SEMA6D: variants seen among roughly 807,000 people sequenced by gnomAD.
SEMA6D encodes semaphorin 6D.
Under a neutral mutation model 106.6 loss-of-function variants are expected in SEMA6D, and 35 were observed. That is an observed-to-expected ratio of 0.33 (90% CI 0.25 to 0.44). The LOEUF is 0.44. Among genes scored for constraint, SEMA6D ranks in the 20% least tolerant of loss-of-function variants. The probability of loss-of-function intolerance (pLI) is 1.00; values close to 1 mark genes in which losing one functional copy is unlikely to be tolerated. For synonymous variants in SEMA6D, 499 were observed against 487.7 expected, an observed-to-expected ratio of 1.02 and a Z score of -0.31; for missense variants, 1,185 against 1,345.9, an observed-to-expected ratio of 0.88 and a Z score of 1.87.
chr15:47,435,992 GTC>G (rs1433900187), intron 2 of SEMA6D, among the ~76,000 whole-genome samples: 1 of 152,042 alleles, frequency 6.6e-6, no homozygotes, highest in African/African-American at 2.4e-5. Flanking sequence ...TAATGAACCA[GTC>G]TCTCATCTTC....
intron 4 of SEMA6D, among the ~76,000 whole-genome samples, chr15:47,677,108 C>G (rs913770171): frequency 7.9e-5 from 12 of 152,066 alleles, no homozygotes; most frequent in African/African-American, 1.2e-4. Flanking sequence ...TGATAATGCT[C>G]GCTCACCCAC....
At chr15:47,624,167 C>T (rs890547964) in intron 4 of SEMA6D, among the ~76,000 whole-genome samples, 26 of 152,168 alleles carry the variant, frequency 1.7e-4, no homozygotes, top group African/African-American at 6.3e-4. Flanking sequence ...CCCTTTTTGA[C>T]CTGGTTTACT....
intron 1 of SEMA6D, among the ~76,000 whole-genome samples, chr15:47,265,330 C>T (rs2034267523): frequency 6.6e-6 from 1 of 151,372 alleles, no homozygotes; most frequent in African/African-American, 2.4e-5. Context: ...TCTCTTGAGT[C>T]AGTTTTGGGA....
chr15:47,250,272 C>T (rs1366679992), intron 1 of SEMA6D, among the ~76,000 whole-genome samples: 1 of 151,608 alleles, frequency 6.6e-6, no homozygotes, highest in Non-Finnish European at 1.5e-5. Flanking sequence ...CAAGACACGA[C>T]ATACTGTGCC....
At chr15:47,227,548 CTCTCTG>C (rs1364756597) in intron 1 of SEMA6D, among the ~76,000 whole-genome samples, 2 of 100,092 alleles carry the variant, frequency 2.0e-5, no homozygotes, top group Non-Finnish European at 4.2e-5. Flanking sequence ...CTCTTTCTCT[CTCTCTG>C]TCTCTCTCTC....
At chr15:47,298,911 C>T (rs1483958500) in intron 1 of SEMA6D, among the ~76,000 whole-genome samples, 1 of 152,130 alleles carries the variant, frequency 6.6e-6, no homozygotes, top group East Asian at 1.9e-4. Flanking sequence ...TGCTGCTTTA[C>T]CTAAATTGTC....
intron 1 of SEMA6D, among the ~76,000 whole-genome samples, chr15:47,308,972 C>G (rs1056712526): frequency 6.6e-6 from 1 of 152,192 alleles, no homozygotes; most frequent in Non-Finnish European, 1.5e-5. Flanking sequence ...TGCCAAGTCT[C>G]TTAACATCTT....
rs185464486 is a variant in SEMA6D, at chr15:47,684,795, A to G, written c.-54-74950A>G. Among the ~76,000 whole-genome samples the G allele has an allele frequency of 1.9e-4, 29 of 152,332 alleles. 1 individual carries two copies. In the East Asian group the frequency reaches 5.6e-3, roughly 29 times the overall value. On this transcript the variant is annotated intron_variant, in intron 4 of 19. Transcript: ENST00000558014. ...TTTATCACAATTAGCATGAGTTTCAATTATTCAATCTTTATTAATTTTGAT... is the reference window on the plus strand; with the variant it reads ...TTTATCACAATTAGCATGAGTTTCAGTTATTCAATCTTTATTAATTTTGAT...
At chr15:47,372,094 CCA>C (rs1334858322) in intron 1 of SEMA6D, among the ~76,000 whole-genome samples, 1 of 152,184 alleles carries the variant, frequency 6.6e-6, no homozygotes, top group African/African-American at 2.4e-5. Context: ...AGTTTCATCC[CCA>C]GTCCTCAGCT....
At chr15:47,353,294 A>G (rs1496919) in intron 1 of SEMA6D, among the ~76,000 whole-genome samples, 80,958 of 151,874 alleles carry the variant, frequency 0.53, 24,684 homozygotes, top group African/African-American at 0.85. Flanking sequence ...AAGACCACCC[A>G]CTCGTGCCCT....
chr15:47,597,915 A>T (rs2076569426), intron 3 of SEMA6D, among the ~76,000 whole-genome samples: 1 of 150,682 alleles, frequency 6.6e-6, no homozygotes, highest in South Asian at 2.1e-4. Flanking sequence ...AATTGTATGT[A>T]ATTATAATGT....
chr15:47,472,057 C>T (rs537648825), intron 3 of SEMA6D, among the ~76,000 whole-genome samples: 2 of 151,738 alleles, frequency 1.3e-5, no homozygotes, highest in Admixed American at 1.3e-4. Context: ...AATACTTTAT[C>T]CTTGGAAAGC....
chr15:47,736,320 C>T (rs528933489), intron 1 of SEMA6D, among the ~76,000 whole-genome samples: 29 of 152,226 alleles, frequency 1.9e-4, no homozygotes, highest in African/African-American at 7.0e-4. Flanking sequence ...AAGTCTGACT[C>T]CTTGTCACCC....
At chr15:47,224,677 T>C (rs1345835167) in intron 1 of SEMA6D, among the ~76,000 whole-genome samples, 1 of 152,108 alleles carries the variant, frequency 6.6e-6, no homozygotes, top group African/African-American at 2.4e-5. Context: ...TAAATATTTG[T>C]TGAATAAATG....
At chr15:47,355,411 G>A (rs1454397600) in intron 1 of SEMA6D, among the ~76,000 whole-genome samples, 3 of 152,020 alleles carry the variant, frequency 2.0e-5, no homozygotes, top group Non-Finnish European at 2.9e-5. Flanking sequence ...TATAATGATG[G>A]TGCCTAAGAA....
chr15:47,566,413 T>C (rs2046230465), intron 3 of SEMA6D, among the ~76,000 whole-genome samples: 1 of 152,212 alleles, frequency 6.6e-6, no homozygotes, highest in African/African-American at 2.4e-5. Context: ...GTGTGTTCAC[T>C]TGAACTGAGT....
chr15:47,652,520 G>C (rs73392839), intron 4 of SEMA6D, among the ~76,000 whole-genome samples: 1,545 of 152,156 alleles, frequency 0.01, 16 homozygotes, highest in South Asian at 0.045. Flanking sequence ...CCAATTTCCC[G>C]AGAGTGTTAA....
chr15:47,402,427 T>C (rs2040428332), intron 1 of SEMA6D, among the ~76,000 whole-genome samples: 1 of 152,188 alleles, frequency 6.6e-6, no homozygotes, highest in Non-Finnish European at 1.5e-5. Flanking sequence ...ACAATGGCTC[T>C]TCAGAGGGGA....
At chr15:47,647,526 A>G (rs2077603011) in intron 4 of SEMA6D, among the ~76,000 whole-genome samples, 1 of 152,248 alleles carries the variant, frequency 6.6e-6, no homozygotes, top group African/African-American at 2.4e-5. Flanking sequence ...CATACTTAAC[A>G]GACGTATTGA....
Sources: gnomAD v4.1 joint callset for allele counts (sites outside exome capture counted in the v4.1 genomes callset) on GRCh38, gnomAD v4.1.1 for gene constraint, MANE v1.5 for transcripts, NCBI Gene and HGNC (gene_info 2026-07-23, HGNC 2026-07-21) for gene names.